Variants in CPQ observed in about 807,000 individuals in gnomAD.
CPQ encodes the protein carboxypeptidase Q, also known as Ser-Met dipeptidase.
CPQ carries 37 observed loss-of-function variants against 45.7 expected under a neutral mutation model. The observed-to-expected ratio is 0.81, with a 90% confidence interval of 0.62 to 1.07. The LOEUF (loss-of-function observed/expected upper bound fraction) is 1.07, where lower values mean the gene tolerates loss of function less well. CPQ is among the 50% of genes least tolerant of loss of function. The pLI is 0.00. For missense variants in CPQ, 537 were observed against 572.9 expected (o/e 0.94, Z 0.64); for synonymous variants, 186 against 205.8 (o/e 0.90, Z 0.82).
chr8:97,126,975 A>T lies in CPQ; in HGVS notation c.1256-16045A>T, dbSNP rs565759716. On this transcript the variant is annotated intron_variant, in intron 7 of 7. Coordinates refer to ENST00000220763, the MANE Select transcript of CPQ (RefSeq NM_016134.4). ...AACAGATATCCTTAAGGGGAAAAAAATGAACCTTAGCCCTTATCTCATACC... is the reference window on the plus strand; with the variant it reads ...AACAGATATCCTTAAGGGGAAAAAATTGAACCTTAGCCCTTATCTCATACC... Among the ~76,000 whole-genome samples the T allele has an allele frequency of 2.6e-5, 4 of 152,330 alleles. No homozygotes were observed. In the East Asian group the frequency reaches 7.7e-4, roughly 29 times the overall value.
intron 1 of CPQ, among the ~76,000 whole-genome samples, chr8:96,678,758 C>CTTTTTTTT (rs71267274): frequency 8.7e-6 from 1 of 114,878 alleles, no homozygotes; most frequent in Non-Finnish European, 1.7e-5. Context: ...ATTATTTGGG[C>CTTTTTTTT]TTTTTTTTTT....
chr8:96,867,438 T>C (rs1445004313), intron 3 of CPQ, among the ~76,000 whole-genome samples: 1 of 152,032 alleles, frequency 6.6e-6, no homozygotes, highest in Non-Finnish European at 1.5e-5. Context: ...GCTGACACTT[T>C]ATAGTCCGGT....
intron 3 of CPQ, among the ~76,000 whole-genome samples, chr8:96,844,680 T>A (rs1811660383): frequency 6.6e-6 from 1 of 152,204 alleles, no homozygotes; most frequent in South Asian, 2.1e-4. Context: ...TTATTATCAC[T>A]GTCATCATTA....
chr8:96,834,634 T>C (rs111527630), intron 2 of CPQ, among the ~76,000 whole-genome samples: 176 of 152,342 alleles, frequency 1.2e-3, no homozygotes, highest in Non-Finnish European at 1.5e-3. Flanking sequence ...TAAAAATAAA[T>C]GATTAGCATC....
chr8:97,140,789 G>A (rs79730166), intron 7 of CPQ, among the ~76,000 whole-genome samples: 1 of 151,998 alleles, frequency 6.6e-6, no homozygotes, highest in Non-Finnish European at 1.5e-5. Context: ...GAGGGAATTT[G>A]CCCTAACAGA....
chr8:96,965,621 G>A (rs1181277951), intron 4 of CPQ, among the ~76,000 whole-genome samples: 9 of 151,980 alleles, frequency 5.9e-5, no homozygotes, highest in African/African-American at 2.2e-4. Context: ...CACCCGCCTC[G>A]GCCTCCCAAA....
intron 2 of CPQ, among the ~76,000 whole-genome samples, chr8:96,807,613 C>T (rs1228784878): frequency 6.6e-6 from 1 of 152,208 alleles, no homozygotes; most frequent in Admixed American, 6.5e-5. Flanking sequence ...ATTCCTTTTA[C>T]ACCTGCATGG....
chr8:96,705,436 G>T (rs977708159), intron 1 of CPQ, among the ~76,000 whole-genome samples: 2 of 152,100 alleles, frequency 1.3e-5, no homozygotes, highest in African/African-American at 4.8e-5. Context: ...TCTTCTATGT[G>T]GGACACCATA....
chr8:97,051,200 C>T (rs1336170338), intron 6 of CPQ, among the ~76,000 whole-genome samples: 1 of 152,090 alleles, frequency 6.6e-6, no homozygotes, highest in East Asian at 1.9e-4. Context: ...ATTGCTGTGC[C>T]ACAGGCCACT....
At chr8:96,724,608 A>C (rs929895395) in intron 1 of CPQ, among the ~76,000 whole-genome samples, 1 of 152,110 alleles carries the variant, frequency 6.6e-6, no homozygotes, top group Non-Finnish European at 1.5e-5. Flanking sequence ...ATCATAGATA[A>C]CATAAGCATA....
intron 6 of CPQ, among the ~76,000 whole-genome samples, chr8:97,037,141 A>C (rs1810018343): frequency 6.6e-6 from 1 of 152,248 alleles, no homozygotes; most frequent in African/African-American, 2.4e-5. Flanking sequence ...TTCTTTTAGC[A>C]GTGAAGTTCT....
intron 1 of CPQ, among the ~76,000 whole-genome samples, chr8:96,777,755 TATA>T (rs1810632639): frequency 7.3e-4 from 10 of 13,644 alleles, no homozygotes; most frequent in African/African-American, 1.3e-3. Flanking sequence ...TATATATATA[TATA>T]TATTTTTTTT....
At chr8:96,717,012 T>G (rs1809683066) in intron 1 of CPQ, among the ~76,000 whole-genome samples, 1 of 124,174 alleles carries the variant, frequency 8.1e-6, no homozygotes, top group South Asian at 2.6e-4. Context: ...CTGAGCAGTA[T>G]TCCATGATAT....
intron 6 of CPQ, among the ~76,000 whole-genome samples, chr8:97,031,343 C>T (rs975321940): frequency 3.3e-5 from 5 of 152,010 alleles, no homozygotes; most frequent in South Asian, 2.1e-4. Flanking sequence ...TGTGCCACCA[C>T]GCCCAGCTAA....
intron 1 of CPQ, among the ~76,000 whole-genome samples, chr8:96,736,725 T>C (rs2130774587): frequency 6.6e-6 from 1 of 152,322 alleles, no homozygotes; most frequent in Non-Finnish European, 1.5e-5. Context: ...GCCCAGCAAT[T>C]GCAACTGTGG....
chr8:97,015,851 G>A (rs2130446755), intron 5 of CPQ, among the ~76,000 whole-genome samples: 1 of 152,234 alleles, frequency 6.6e-6, no homozygotes, highest in Non-Finnish European at 1.5e-5. Flanking sequence ...AGGACCATAT[G>A]TGCCCTGACT....
intron 6 of CPQ, among the ~76,000 whole-genome samples, chr8:97,041,000 GT>G (rs1367973007): frequency 6.6e-6 from 1 of 152,020 alleles, no homozygotes; most frequent in Non-Finnish European, 1.5e-5. Context: ...CTTTAAAGTA[GT>G]TTTTTCCAAT....
chr8:96,827,393 G>A (rs1811393749), intron 2 of CPQ, among the ~76,000 whole-genome samples: 1 of 152,000 alleles, frequency 6.6e-6, no homozygotes, highest in African/African-American at 2.4e-5. Flanking sequence ...GCCTGATGTA[G>A]AATCTTTAGG....
intron 4 of CPQ, among the ~76,000 whole-genome samples, chr8:96,882,122 T>G (rs866162726): frequency 3.6e-4 from 55 of 152,282 alleles, no homozygotes; most frequent in African/African-American, 1.3e-3. Flanking sequence ...TCTCCCAGAC[T>G]TGAGGGCTGT....
Sources: gnomAD v4.1 joint callset for allele counts (sites outside exome capture counted in the v4.1 genomes callset) on GRCh38, gnomAD v4.1.1 for gene constraint, MANE v1.5 for transcripts, NCBI Gene and HGNC (gene_info 2026-07-23, HGNC 2026-07-21) for gene names.